BMP6: variants seen among roughly 807,000 people sequenced by gnomAD.
The protein encoded by BMP6 is VG-1-R.
A neutral mutation model predicts 54.1 loss-of-function variants in BMP6; 17 were observed. That is an observed-to-expected ratio of 0.31 (90% CI 0.22 to 0.47). BMP6 has a LOEUF of 0.47. BMP6 is among the 20% of genes least tolerant of loss of function. The pLI, the probability that BMP6 is intolerant of heterozygous loss-of-function variation, is 1.00. For synonymous variants in BMP6, 328 were observed against 291.2 expected (o/e 1.13, Z -1.28); for missense variants, 720 against 690.4 (o/e 1.04, Z -0.48).
At chr6:7,803,632 T>G (rs1361971065) in intron 1 of BMP6, among the ~76,000 whole-genome samples, 1 of 152,140 alleles carries the variant, frequency 6.6e-6, no homozygotes, top group Non-Finnish European at 1.5e-5. Context: ...GGCATCCCCT[T>G]CACCATGCCT....
intron 1 of BMP6, among the ~76,000 whole-genome samples, chr6:7,793,328 T>A (rs879036985): frequency 6.6e-6 from 1 of 150,840 alleles, no homozygotes; most frequent in Admixed American, 6.7e-5. Flanking sequence ...AAGGCAAAAC[T>A]GTAGAGACAG....
chr6:7,734,789 C>G (rs1394037289), intron 1 of BMP6, among the ~76,000 whole-genome samples: 1 of 152,204 alleles, frequency 6.6e-6, no homozygotes, highest in Non-Finnish European at 1.5e-5. Flanking sequence ...TAAATTACAT[C>G]AGTTAATTCC....
At chr6:7,774,932 T>C (rs914392867) in intron 1 of BMP6, among the ~76,000 whole-genome samples, 1 of 152,176 alleles carries the variant, frequency 6.6e-6, no homozygotes, top group Non-Finnish European at 1.5e-5. Flanking sequence ...TCTTGTTGTA[T>C]TATTTCATGG....
At chr6:7,756,095 C>T (rs1050672025) in intron 1 of BMP6, among the ~76,000 whole-genome samples, 6 of 152,052 alleles carry the variant, frequency 3.9e-5, no homozygotes, top group Non-Finnish European at 1.5e-5. Flanking sequence ...TTGGTCATTA[C>T]TTCTTCAAGT....
intron 4 of BMP6, among the ~76,000 whole-genome samples, chr6:7,871,721 T>C (rs968981677): frequency 6.6e-6 from 1 of 152,214 alleles, no homozygotes; most frequent in Non-Finnish European, 1.5e-5. Flanking sequence ...TGACTGCAGC[T>C]GTGTCTGGGG....
rs76295967 is a variant in BMP6 at position 7,733,511 on chromosome 6, C to A, written c.664+5892C>A. ...GTTACACATTAACCATCCTGTCCCC[C>A]CCTCCCTAGGCCACAGCATAACCCA... is the stretch of plus-strand genomic sequence containing the variant. On this transcript the variant is annotated intron_variant, in intron 1 of 6. Coordinates refer to ENST00000283147, the MANE Select transcript of BMP6 (RefSeq NM_001718.6). Among the ~76,000 whole-genome samples the A allele has an allele frequency of 1.4e-3, 215 of 152,286 alleles. 3 individuals are homozygous for A. The East Asian group carries it at 0.036, about 25-fold the overall frequency.
intron 1 of BMP6, among the ~76,000 whole-genome samples, chr6:7,824,447 G>A (rs967364780): frequency 3.9e-5 from 6 of 152,162 alleles, no homozygotes; most frequent in African/African-American, 1.4e-4. Context: ...GATCCTTTCT[G>A]ATTGATAAAC....
At chr6:7,807,287 T>G (rs1448121666) in intron 1 of BMP6, among the ~76,000 whole-genome samples, 1 of 151,908 alleles carries the variant, frequency 6.6e-6, no homozygotes, top group Non-Finnish European at 1.5e-5. Flanking sequence ...GTTTTTTGTT[T>G]GTTTGTTTTT....
At chr6:7,806,606 CA>C (rs971249794) in intron 1 of BMP6, among the ~76,000 whole-genome samples, 6 of 148,204 alleles carry the variant, frequency 4.0e-5, no homozygotes, top group Non-Finnish European at 6.0e-5. Context: ...AAAACAAAAA[CA>C]AAAAAAAACA....
chr6:7,803,627 C>G (rs372367244), intron 1 of BMP6, among the ~76,000 whole-genome samples: 19 of 152,178 alleles, frequency 1.2e-4, no homozygotes, highest in East Asian at 5.8e-4. Flanking sequence ...CACGTGGCAT[C>G]CCCTTCACCA....
chr6:7,827,371 C>G (rs566372191), intron 1 of BMP6, among the ~76,000 whole-genome samples: 1 of 152,252 alleles, frequency 6.6e-6, no homozygotes, highest in South Asian at 2.1e-4. Flanking sequence ...AAGTGAATCA[C>G]CAGAGCAAAG....
At chr6:7,845,469 T>G (rs1041391874) in intron 2 of BMP6, 137 bp downstream of exon 2, 1 of 692,316 alleles carries the variant, frequency 1.4e-6, no homozygotes, top group Non-Finnish European at 2.2e-6. Flanking sequence ...GAGGTGGGTG[T>G]TGTAAATGGG....
At chr6:7,840,675 G>A (rs930914308) in intron 1 of BMP6, among the ~76,000 whole-genome samples, 2 of 152,046 alleles carry the variant, frequency 1.3e-5, no homozygotes, top group African/African-American at 4.8e-5. Context: ...AAATGCAGTG[G>A]TAGAGTTAGA....
intron 2 of BMP6, among the ~76,000 whole-genome samples, chr6:7,857,940 T>C (rs1162729505): frequency 6.6e-6 from 1 of 152,142 alleles, no homozygotes; most frequent in Non-Finnish European, 1.5e-5. Flanking sequence ...CATATTCTGC[T>C]TGGAAGGAGC....
intron 1 of BMP6, among the ~76,000 whole-genome samples, chr6:7,736,388 G>A (rs1019701871): frequency 1.3e-5 from 2 of 152,088 alleles, no homozygotes; most frequent in African/African-American, 4.8e-5. Context: ...TTAGGGGAGA[G>A]GTTAAATATT....
chr6:7,808,499 A>G (rs188185766), intron 1 of BMP6, among the ~76,000 whole-genome samples: 76 of 152,314 alleles, frequency 5.0e-4, no homozygotes, highest in Non-Finnish European at 1.0e-4. Flanking sequence ...TGAATTGTCC[A>G]TTTTAAACTT....
In BMP6 at chr6:7,812,148, T is replaced by C. The variant is rs1008866716; in HGVS notation, c.665-32992T>C. Among the ~76,000 whole-genome samples the C allele has an allele frequency of 6.6e-5, 10 of 152,230 alleles. No individual in the cohort carries two copies. In the East Asian group the frequency reaches 9.6e-4, roughly 15 times the overall value. ...ATATACTTTGACAGAATTGTGTTAT[T>C]GGATTGAGAAAAATGGAAGGACTTT... is the stretch of plus-strand genomic sequence containing the variant. On this transcript the variant is annotated intron_variant, in intron 1 of 6. Transcript: ENST00000283147.
intron 1 of BMP6, among the ~76,000 whole-genome samples, chr6:7,773,412 T>TG (rs1159012341): frequency 2.0e-5 from 3 of 152,056 alleles, no homozygotes; most frequent in African/African-American, 7.2e-5. Context: ...CTAGTGAAGG[T>TG]GGTTAGGCAG....
At chr6:7,874,437 C>T (rs1759574672) in intron 4 of BMP6, among the ~76,000 whole-genome samples, 1 of 152,182 alleles carries the variant, frequency 6.6e-6, no homozygotes, top group Admixed American at 6.5e-5. Flanking sequence ...TCCCAAGGCT[C>T]CTCTTTTGCT....
Sources: allele counts gnomAD v4.1 joint callset (sites outside exome capture counted in the v4.1 genomes callset), GRCh38; gene constraint gnomAD v4.1.1; transcripts MANE v1.5; gene names NCBI Gene and HGNC (gene_info 2026-07-23, HGNC 2026-07-21).